XKR4: variants seen among roughly 807,000 people sequenced by gnomAD.
XKR4 encodes the protein XK-related protein 4.
Under a neutral mutation model 53.9 loss-of-function variants are expected in XKR4, and 12 were observed. The ratio of observed to expected loss-of-function variants is 0.22; its 90% CI spans 0.14 to 0.36. The LOEUF (loss-of-function observed/expected upper bound fraction) is 0.36, where lower values mean the gene tolerates loss of function less well. Ranked by LOEUF, XKR4 falls within the 10% of genes least tolerant of loss-of-function variation. XKR4 has a pLI of 1.00. For synonymous variants in XKR4, 354 were observed against 362.4 expected (o/e 0.98, Z 0.26); for missense variants, 799 against 859.5 (o/e 0.93, Z 0.88).
Position 55,270,489 on chromosome 8 carries a change from G to A in XKR4, c.807-87189G>A, listed in dbSNP as rs138989795. ...CCAGCTCTGGAGTGTTGATCACCTC[G>A]TGTTGTTGTCTATCTGATGATTCCC... On this transcript the variant is annotated intron_variant, in intron 1 of 2. Coordinates refer to ENST00000327381, the MANE Select transcript of XKR4 (RefSeq NM_052898.2). Among the ~76,000 whole-genome samples, 105 of 152,258 alleles carry A rather than the reference G, an allele frequency of 6.9e-4. No individual in the cohort carries two copies. The Middle Eastern group carries it at 0.01, about 15-fold the overall frequency.
intron 1 of XKR4, among the ~76,000 whole-genome samples, chr8:55,254,072 C>T (rs920500963): frequency 3.3e-5 from 5 of 151,910 alleles, no homozygotes; most frequent in Admixed American, 2.6e-4. Flanking sequence ...TGTGCTTGGT[C>T]GTATTTTTCT....
chr8:55,437,767 T>C (rs532682830), intron 2 of XKR4, among the ~76,000 whole-genome samples: 1 of 152,170 alleles, frequency 6.6e-6, no homozygotes, highest in South Asian at 2.1e-4. Context: ...GCAATGGTGA[T>C]TTAGATATGT....
At chr8:55,320,634 T>C (rs1340707630) in intron 1 of XKR4, among the ~76,000 whole-genome samples, 1 of 152,200 alleles carries the variant, frequency 6.6e-6, no homozygotes, top group Admixed American at 6.5e-5. Flanking sequence ...ACATGATTTG[T>C]GGGGAGCATA....
chr8:55,473,499 T>G (rs1805922896), intron 2 of XKR4, among the ~76,000 whole-genome samples: 1 of 152,138 alleles, frequency 6.6e-6, no homozygotes, highest in African/African-American at 2.4e-5. Context: ...CTGCTAAATC[T>G]CCACATAATT....
intron 2 of XKR4, among the ~76,000 whole-genome samples, chr8:55,361,083 C>T (rs1252525301): frequency 2.6e-5 from 4 of 152,338 alleles, no homozygotes; most frequent in South Asian, 2.1e-4. Flanking sequence ...CTACTCTCCA[C>T]GGGATCTGGG....
intron 2 of XKR4, among the ~76,000 whole-genome samples, chr8:55,513,246 A>T (rs1469890457): frequency 6.6e-6 from 1 of 152,210 alleles, no homozygotes; most frequent in Non-Finnish European, 1.5e-5. Flanking sequence ...GGATGCACTC[A>T]TTACACATTC....
At position 55,526,307 on chromosome 8, in the gene XKR4, C is replaced by T. The variant is rs1806882083; in HGVS notation, c.*2080C>T. ...CACAGGAAGTAACAGAGGGCTCAAC[C>T]TAGGACTTCTTTTGGTACAAAGCCC... is the stretch of plus-strand genomic sequence containing the variant. On this transcript the variant is annotated 3_prime_UTR_variant, in exon 3 of 3. Coordinates refer to ENST00000327381, the MANE Select transcript of XKR4 (RefSeq NM_052898.2). The T allele has an allele frequency of 6.6e-6, 1 of 152,192 alleles. No homozygotes were observed. Among genetic ancestry groups the T allele is most frequent in the South Asian group, 2.1e-4 (1 of 4,826 alleles). The allele number at this position is 152,192 out of a possible 1,614,324, so 9.4% of individuals were successfully genotyped here.
chr8:55,528,580 C>A lies in XKR4; in HGVS notation c.*4353C>A, dbSNP rs1806908170. ...ATATAAAGCTTGGATGAGATGCCTGCATTTTTATGTGCTAAGGAGAATTCC... is the reference window on the plus strand; with the variant it reads ...ATATAAAGCTTGGATGAGATGCCTGAATTTTTATGTGCTAAGGAGAATTCC... On this transcript the variant is annotated 3_prime_UTR_variant, in exon 3 of 3. Coordinates refer to ENST00000327381, the MANE Select transcript of XKR4 (RefSeq NM_052898.2). 6.6e-6 allele frequency: 1 copy of A among 152,160 alleles called. No homozygotes were observed. The highest frequency in any genetic ancestry group is 1.5e-5 in the Non-Finnish European group (1 of 68,016). 9.4% of individuals were successfully genotyped at this position (152,160 alleles called of 1,614,324 possible). A position where few individuals can be genotyped will look rare whatever the true frequency, so the allele number is the denominator to read the frequency against.
At chr8:55,277,367 T>C (rs1333068535) in intron 1 of XKR4, among the ~76,000 whole-genome samples, 3 of 152,230 alleles carry the variant, frequency 2.0e-5, no homozygotes, top group African/African-American at 7.2e-5. Flanking sequence ...TATATACACA[T>C]ACAAGTTGAG....
chr8:55,202,094 G>A (rs1010303977), intron 1 of XKR4, among the ~76,000 whole-genome samples: 5 of 152,188 alleles, frequency 3.3e-5, no homozygotes, highest in Non-Finnish European at 7.3e-5. Context: ...GGAAAGAACT[G>A]GTGCCAACAA....
At chr8:55,121,833 TACACACACACACAC>T (rs35625262) in intron 1 of XKR4, among the ~76,000 whole-genome samples, 3 of 148,710 alleles carry the variant, frequency 2.0e-5, no homozygotes, top group African/African-American at 7.4e-5. Flanking sequence ...AATACAACAT[TACACACACACACAC>T]ACACACACAC....
chr8:55,450,014 C>A, intron 2 of XKR4: 5 of 786,092 alleles, frequency 6.4e-6, no homozygotes, highest in South Asian at 1.5e-5. Context: ...TGGTGAGGTG[C>A]GGTGGACACT....
intron 1 of XKR4, among the ~76,000 whole-genome samples, chr8:55,164,972 G>A (rs1023906694): frequency 4.6e-5 from 7 of 152,080 alleles, no homozygotes; most frequent in Admixed American, 2.0e-4. Context: ...GAATTCACTC[G>A]GAGGCAAGGT....
intron 1 of XKR4, among the ~76,000 whole-genome samples, chr8:55,317,839 T>C (rs1158180824): frequency 6.6e-6 from 1 of 152,210 alleles, no homozygotes; most frequent in African/African-American, 2.4e-5. Context: ...TAGGAGGTCC[T>C]AACATCAGGG....
intron 1 of XKR4, among the ~76,000 whole-genome samples, chr8:55,269,602 G>C (rs987184934): frequency 1.3e-5 from 2 of 152,148 alleles, no homozygotes; most frequent in African/African-American, 4.8e-5. Flanking sequence ...GGATTATAAA[G>C]AGTTGTCATG....
intron 2 of XKR4, among the ~76,000 whole-genome samples, chr8:55,416,273 T>C (rs1207405685): frequency 6.6e-6 from 1 of 152,202 alleles, no homozygotes; most frequent in African/African-American, 2.4e-5. Flanking sequence ...TTGGGAAACG[T>C]AAGACTGGTT....
rs1245493320 is a variant in XKR4, at chr8:55,526,008, T to C, written c.*1781T>C. 6.6e-6 allele frequency: 1 copy of C among 152,592 alleles called. No homozygotes were observed. The highest frequency in any genetic ancestry group is 1.5e-5 in the Non-Finnish European group (1 of 68,016). The allele number at this position is 152,592 out of a possible 1,614,324, so 9.5% of individuals were successfully genotyped here. ...GAAAGGGCTTGTCAAGACTGGCCAATGTTTCCCAGGAAATCAAAGATGTAA... is the reference window on the plus strand; with the variant it reads ...GAAAGGGCTTGTCAAGACTGGCCAACGTTTCCCAGGAAATCAAAGATGTAA... On this transcript the variant is annotated 3_prime_UTR_variant, in exon 3 of 3. Coordinates refer to ENST00000327381, the MANE Select transcript of XKR4 (RefSeq NM_052898.2).
chr8:55,135,074 A>C (rs1218107390), intron 1 of XKR4: 1 of 152,374 alleles, frequency 6.6e-6, no homozygotes, highest in East Asian at 1.9e-4. Flanking sequence ...GTATGAATGG[A>C]AAAACAAAAA....
chr8:55,527,514 G>A lies in XKR4; in HGVS notation c.*3287G>A, dbSNP rs533525959. On this transcript the variant is annotated 3_prime_UTR_variant, in exon 3 of 3. Coordinates refer to ENST00000327381, the MANE Select transcript of XKR4 (RefSeq NM_052898.2). ...TAATGAATATATATAATGTGTGTGT[G>A]TGTATCTTAACCATAGTGACACTTT... 1.3e-5 allele frequency: 2 copies of A among 152,334 alleles called. No homozygotes were observed. The highest frequency in any genetic ancestry group is 3.9e-4 in the East Asian group (2 of 5,192). 9.4% of individuals were successfully genotyped at this position (152,334 alleles called of 1,614,324 possible). A position where few individuals can be genotyped will look rare whatever the true frequency, so the allele number is the denominator to read the frequency against.
Sources: gnomAD v4.1 joint callset for allele counts (sites outside exome capture counted in the v4.1 genomes callset) on GRCh38, gnomAD v4.1.1 for gene constraint, MANE v1.5 for transcripts, NCBI Gene and HGNC (gene_info 2026-07-23, HGNC 2026-07-21) for gene names.